The following SMYD3 variants were observed in gnomAD, a reference collection of about 807,000 sequenced individuals.
SMYD3 encodes histone-lysine N-methyltransferase SMYD3.
In SMYD3, 36 loss-of-function variants were observed where a neutral mutation model predicts 57.7. That is an observed-to-expected ratio of 0.62 (90% CI 0.48 to 0.82). The LOEUF is 0.82. Among genes scored for constraint, SMYD3 ranks in the 40% least tolerant of loss-of-function variants. The probability of loss-of-function intolerance (pLI) is 0.00; values close to 1 mark genes in which losing one functional copy is unlikely to be tolerated. For missense variants in SMYD3, 515 were observed against 538.8 expected, an observed-to-expected ratio of 0.96 and a Z score of 0.44; for synonymous variants, 211 against 195.0, an observed-to-expected ratio of 1.08 and a Z score of -0.68.
At chr1:246,470,737 T>A (rs1033324397) in intron 1 of SMYD3, among the ~76,000 whole-genome samples, 2 of 151,588 alleles carry the variant, frequency 1.3e-5, no homozygotes, top group African/African-American at 4.8e-5. Flanking sequence ...AATCCTACAC[T>A]GGATCTTGGA....
In SMYD3 at chr1:246,434,361, T is replaced by C. The variant is rs141798221; in HGVS notation, c.164+72693A>G. On this transcript the variant is annotated intron_variant, in intron 1 of 11. Transcript: ENST00000490107. ...CAGAGTAAACAGACAACATATAGAA[T>C]GGGAGAAAATATTCACAAACTGTGA... 4.6e-5 allele frequency among the ~76,000 whole-genome samples: 7 copies of C among 152,242 alleles called. No homozygotes were observed. The East Asian group carries it at 7.7e-4, about 17-fold the overall frequency.
At chr1:245,891,153 T>A (rs1466209302) in intron 8 of SMYD3, among the ~76,000 whole-genome samples, 2 of 152,208 alleles carry the variant, frequency 1.3e-5, no homozygotes, top group Non-Finnish European at 2.9e-5. Flanking sequence ...CATCTACTAT[T>A]TGATACAACA....
chr1:246,188,751 A>G (rs1572181042), intron 5 of SMYD3, among the ~76,000 whole-genome samples: 1 of 152,016 alleles, frequency 6.6e-6, no homozygotes, highest in East Asian at 1.9e-4. Flanking sequence ...GCTTGAACTC[A>G]GGAGTTTGAG....
chr1:246,324,112 A>G (rs1214509336), intron 5 of SMYD3, among the ~76,000 whole-genome samples: 2 of 152,192 alleles, frequency 1.3e-5, no homozygotes, highest in Non-Finnish European at 2.9e-5. Context: ...CCTTTCAATG[A>G]AAATTAGATG....
intron 5 of SMYD3, among the ~76,000 whole-genome samples, chr1:246,273,429 C>A (rs1312199404): frequency 2.4e-4 from 37 of 151,916 alleles, no homozygotes; most frequent in Non-Finnish European, 1.5e-5. Context: ...GGATTACAGG[C>A]ATGAGCCACC....
intron 5 of SMYD3, among the ~76,000 whole-genome samples, chr1:245,939,431 C>G (rs1450131880): frequency 6.6e-6 from 1 of 152,116 alleles, no homozygotes; most frequent in Non-Finnish European, 1.5e-5. Context: ...CGAGACCAGC[C>G]TGGCCAATAT....
chr1:246,054,183 A>C (rs2060109795), intron 5 of SMYD3, among the ~76,000 whole-genome samples: 1 of 152,234 alleles, frequency 6.6e-6, no homozygotes, highest in Non-Finnish European at 1.5e-5. Context: ...CAGTAGCATT[A>C]ACTAATTAGA....
At chr1:246,143,165 A>AC (rs35442228) in intron 5 of SMYD3, among the ~76,000 whole-genome samples, 26 of 132,202 alleles carry the variant, frequency 2.0e-4, no homozygotes, top group African/African-American at 7.3e-4. Context: ...ACACACACAC[A>AC]AACATGCATC....
intron 5 of SMYD3, among the ~76,000 whole-genome samples, chr1:246,005,085 G>A (rs2059146121): frequency 6.6e-6 from 1 of 152,130 alleles, no homozygotes; most frequent in Non-Finnish European, 1.5e-5. Flanking sequence ...CTGCGCTCAG[G>A]CCATCTGCCC....
At chr1:246,506,458 G>A in intron 1 of SMYD3, among the ~76,000 whole-genome samples, 1 of 152,092 alleles carries the variant, frequency 6.6e-6, no homozygotes, top group Non-Finnish European at 1.5e-5. Flanking sequence ...CAGCCCTTCT[G>A]GTACACTGTA....
chr1:246,304,731 CT>C (rs1487910135), intron 5 of SMYD3, among the ~76,000 whole-genome samples: 1 of 152,154 alleles, frequency 6.6e-6, no homozygotes, highest in East Asian at 1.9e-4. Context: ...CTGTACAACT[CT>C]TGACATTAAG....
intron 8 of SMYD3, among the ~76,000 whole-genome samples, chr1:245,886,148 T>A (rs185331789): frequency 6.6e-6 from 1 of 152,334 alleles, no homozygotes; most frequent in Admixed American, 6.5e-5. Flanking sequence ...GATGAGTAAA[T>A]TTATTACATA....
chr1:246,422,963 C>T (rs1169438378), intron 1 of SMYD3, among the ~76,000 whole-genome samples: 2 of 151,996 alleles, frequency 1.3e-5, no homozygotes, highest in East Asian at 3.9e-4. Context: ...AAACAATAAA[C>T]AAACACATAC....
At chr1:245,820,346 C>A (rs1255396928) in intron 10 of SMYD3, among the ~76,000 whole-genome samples, 1 of 98,060 alleles carries the variant, frequency 1.0e-5, no homozygotes, top group Non-Finnish European at 2.3e-5. Flanking sequence ...AATTCAACAA[C>A]CCTTCATGCT....
At position 246,507,175 on chromosome 1, in the gene SMYD3, C is replaced by T; in HGVS notation, c.43G>A (p.Gly15Arg). 1 of 1,532,264 alleles carries T rather than the reference C, an allele frequency of 6.5e-7. No homozygotes were observed. The highest frequency in any genetic ancestry group is 8.8e-7 in the Non-Finnish European group (1 of 1,139,608). The allele number at this position is 1,532,264 out of a possible 1,614,324, so 94.9% of individuals were successfully genotyped here. Residue 15 changes from glycine (G) to arginine (R), a missense_variant, in exon 1 of 12, where the codon GGA becomes AGA. Transcript: ENST00000490107. ...GGGGTCACGGCGCGCAGCCCGTTTC[C>T]CCTCTTGGCGGTTGCGAACTTTTCC... ...KVEKFATAKR[G>R]NGLRAVTPLR...
chr1:246,004,320 C>T (rs1242424880), intron 5 of SMYD3, among the ~76,000 whole-genome samples: 1 of 152,120 alleles, frequency 6.6e-6, no homozygotes, highest in Admixed American at 6.6e-5. Flanking sequence ...ATTCTGATAC[C>T]GCTCACCCCA....
intron 10 of SMYD3, among the ~76,000 whole-genome samples, chr1:245,845,756 T>C (rs2050632842): frequency 6.6e-6 from 1 of 152,232 alleles, no homozygotes; most frequent in African/African-American, 2.4e-5. Context: ...AATTGTCCTT[T>C]CATCAGTCTT....
intron 10 of SMYD3, among the ~76,000 whole-genome samples, chr1:245,833,095 T>A (rs1481035210): frequency 7.3e-6 from 1 of 137,718 alleles, no homozygotes; most frequent in East Asian, 2.7e-4. Flanking sequence ...ATAATGCTGA[T>A]TCATAACAAT....
chr1:245,780,813 C>T (rs773480097), intron 10 of SMYD3, among the ~76,000 whole-genome samples: 2 of 152,128 alleles, frequency 1.3e-5, no homozygotes. Context: ...ATGTTTACAG[C>T]AGCATTACTC....
Sources: allele counts gnomAD v4.1 joint callset (sites outside exome capture counted in the v4.1 genomes callset), GRCh38; gene constraint gnomAD v4.1.1; transcripts MANE v1.5; gene names NCBI Gene and HGNC (gene_info 2026-07-23, HGNC 2026-07-21).